Variants in PRH1 observed in about 807,000 individuals in gnomAD.
PRH1 encodes salivary acidic proline-rich phosphoprotein 1/2.
PRH1 carries 7 observed loss-of-function variants against 7.9 expected under a neutral mutation model. The ratio of observed to expected loss-of-function variants is 0.89; its 90% CI spans 0.50 to 1.67. PRH1 has a LOEUF of 1.67. Among genes scored for constraint, PRH1 ranks in the 40% most tolerant of loss-of-function variants. The pLI, the probability that PRH1 is intolerant of heterozygous loss-of-function variation, is 0.00. For missense variants in PRH1, 109 were observed against 223.6 expected (o/e 0.49, Z 3.27); for synonymous variants, 45 against 80.8 (o/e 0.56, Z 2.38).
intron 1 of PRH1, among the ~76,000 whole-genome samples, chr12:11,100,061 G>A (rs1338700110): frequency 6.6e-6 from 1 of 152,098 alleles, no homozygotes; most frequent in Non-Finnish European, 1.5e-5. Context: ...ACAACTAATT[G>A]ATTTTTCCCT....
chr12:10,962,678 G>T (rs1462027967), intron 2 of PRH1, among the ~76,000 whole-genome samples: 7 of 152,116 alleles, frequency 4.6e-5, no homozygotes, highest in African/African-American at 1.7e-4. Context: ...TAACTCATTT[G>T]TTCTTCAAAA....
intron 1 of PRH1, chr12:10,986,691 C>T (rs1392391430): frequency 1.2e-6 from 2 of 1,612,360 alleles, no homozygotes; most frequent in African/African-American, 1.3e-5. Flanking sequence ...CCAGAGCAAA[C>T]CAATTCTGGA....
At chr12:11,141,853 T>C (rs68045377) in intron 1 of PRH1, among the ~76,000 whole-genome samples, 19,378 of 152,196 alleles carry the variant, frequency 0.13, 1,336 homozygotes, top group Non-Finnish European at 0.14. Context: ...AGTGGCTTGA[T>C]TACAGCTCAC....
At chr12:10,888,926 T>C (rs973036729), upstream of PRH1, among the ~76,000 whole-genome samples, 2 of 152,226 alleles carry the variant, frequency 1.3e-5, no homozygotes, top group Non-Finnish European at 2.9e-5. Context: ...CTGAGTTAAA[T>C]CCATGTGTCA....
chr12:10,909,310 GAA>G (rs1328761375), intron 2 of PRH1: 1 of 1,592,654 alleles, frequency 6.3e-7, no homozygotes. Flanking sequence ...TCAGAACAGA[GAA>G]AGTTCAATGT....
At chr12:11,037,513 T>C (rs1942485489) in intron 1 of PRH1, among the ~76,000 whole-genome samples, 2 of 152,254 alleles carry the variant, frequency 1.3e-5, no homozygotes, top group Admixed American at 6.5e-5. Context: ...AAATATTTCA[T>C]TTAGAGACAC....
chr12:11,061,654 T>C (rs1335147232), intron 1 of PRH1: 1 of 1,614,014 alleles, frequency 6.2e-7, no homozygotes, highest in East Asian at 2.2e-5. Flanking sequence ...TTGAGATCCT[T>C]TGCCATGGAG....
At chr12:10,932,098 G>A (rs1340631416) in intron 2 of PRH1, 1 of 278,076 alleles carries the variant, frequency 3.6e-6, no homozygotes, top group Non-Finnish European at 8.0e-6. Context: ...ATATTAAGGA[G>A]GGGGGCTGTA....
chr12:11,077,455 A>G lies in PRH1; in HGVS notation n.124-30267T>C, dbSNP rs535720349. On this transcript the variant is annotated intron_variant and non_coding_transcript_variant, in intron 1 of 4. Transcript: ENST00000541977. ...ATACATGATTCCAAGAGTTTGGCAA[A>G]GCAGGAATACAAGTTTGTTCTGCTG... The G allele has an allele frequency of 4.7e-5, 37 of 794,146 alleles. 5 individuals carry two copies. In the East Asian group the frequency reaches 9.0e-4, roughly 19 times the overall value. 49.2% of individuals were successfully genotyped at this position (794,146 alleles called of 1,614,324 possible).
intron 1 of PRH1, among the ~76,000 whole-genome samples, chr12:11,147,421 C>G (rs550875960): frequency 2.6e-5 from 4 of 152,262 alleles, no homozygotes; most frequent in African/African-American, 9.6e-5. Context: ...CCCCTGGACT[C>G]AAGGAATCCA....
intron 1 of PRH1, among the ~76,000 whole-genome samples, chr12:11,086,570 T>A (rs1944707986): frequency 6.8e-6 from 1 of 146,942 alleles, no homozygotes; most frequent in East Asian, 1.9e-4. Flanking sequence ...AACTATGATG[T>A]GAGACTCCAT....
intron 2 of PRH1, among the ~76,000 whole-genome samples, chr12:10,907,369 T>C (rs7308212): frequency 0.016 from 2,474 of 152,210 alleles, 66 homozygotes; most frequent in African/African-American, 0.057. Context: ...GAAAGAGAAA[T>C]TTTTTAATGT....
chr12:11,061,590 GA>G (rs780502162), intron 1 of PRH1: 1 of 1,614,110 alleles, frequency 6.2e-7, no homozygotes, highest in South Asian at 1.1e-5. Context: ...CACATAACAA[GA>G]GGAAGGAGGT....
intron 1 of PRH1, among the ~76,000 whole-genome samples, chr12:10,995,818 T>G (rs925167834): frequency 2.6e-5 from 4 of 152,150 alleles, no homozygotes; most frequent in African/African-American, 9.7e-5. Flanking sequence ...GTATGGAAAC[T>G]TATAACAGCA....
rs750425872 is a variant in PRH1 at position 11,133,908 on chromosome 12, A to T, written n.40-12728T>A. The T allele has an allele frequency of 6.8e-6, 11 of 1,614,026 alleles. No homozygotes were observed. In the South Asian group the frequency reaches 9.9e-5, roughly 14 times the overall value. ...ATGCGAAGAAAAATAAGGTTGGAGAAATTGGCAATCCTGAGCAAATAAAAC... is the reference window on the plus strand; with the variant it reads ...ATGCGAAGAAAAATAAGGTTGGAGATATTGGCAATCCTGAGCAAATAAAAC... On this transcript the variant is annotated intron_variant and non_coding_transcript_variant, in intron 1 of 1. Coordinates refer to the PRH1 transcript ENST00000541175.
At chr12:10,920,636 T>C (rs1308619834) in intron 2 of PRH1, among the ~76,000 whole-genome samples, 1 of 152,150 alleles carries the variant, frequency 6.6e-6, no homozygotes, top group African/African-American at 2.4e-5. Context: ...AAATTTGTGT[T>C]ATTTCAAAAG....
chr12:10,913,356 G>C (rs1949927640), intron 2 of PRH1, among the ~76,000 whole-genome samples: 1 of 152,006 alleles, frequency 6.6e-6, no homozygotes, highest in Admixed American at 6.6e-5. Flanking sequence ...TCGGGAGGCA[G>C]AGGCAAGAGA....
chr12:10,939,551 GTTTTTTTT>G (rs60186756), intron 2 of PRH1, among the ~76,000 whole-genome samples: 185 of 123,306 alleles, frequency 1.5e-3, no homozygotes, highest in African/African-American at 5.0e-3. Context: ...TGGTTTGTGT[GTTTTTTTT>G]TTTTTTTTTT....
rs1276984083 is a variant in PRH1 at position 11,132,305 on chromosome 12, T to A, written n.40-11125A>T. ...TAAAAAAAGTTTCACTGAATTATTT[T>A]CCATAATTTTTATACTATTTTCACA... On this transcript the variant is annotated intron_variant and non_coding_transcript_variant, in intron 1 of 1. Coordinates refer to the PRH1 transcript ENST00000541175. Among the ~76,000 whole-genome samples, 5 of 152,410 alleles carry A rather than the reference T, an allele frequency of 3.3e-5. No homozygotes were observed. In the East Asian group the frequency reaches 9.6e-4, roughly 29 times the overall value.
Sources: allele counts gnomAD v4.1 joint callset (sites outside exome capture counted in the v4.1 genomes callset), GRCh38; gene constraint gnomAD v4.1.1; transcripts MANE v1.5; gene names NCBI Gene and HGNC (gene_info 2026-07-23, HGNC 2026-07-21).